ERCC8: variants seen among roughly 807,000 people sequenced by gnomAD.
ERCC8 encodes the protein DNA excision repair protein ERCC-8.
ERCC8 carries 52 observed loss-of-function variants against 54.9 expected under a neutral mutation model. That is an observed-to-expected ratio of 0.95 (90% CI 0.76 to 1.19). The LOEUF is 1.19. Ranked by LOEUF, ERCC8 falls within the 50% of genes most tolerant of loss-of-function variation. The pLI, the probability that ERCC8 is intolerant of heterozygous loss-of-function variation, is 0.00. For synonymous variants in ERCC8, 146 were observed against 157.2 expected, an observed-to-expected ratio of 0.93 and a Z score of 0.53; for missense variants, 514 against 466.1, an observed-to-expected ratio of 1.10 and a Z score of -0.95.
chr5:60,887,138 T>C (rs577933591), intron 11 of ERCC8, among the ~76,000 whole-genome samples: 142 of 152,346 alleles, frequency 9.3e-4, no homozygotes, highest in Non-Finnish European at 1.6e-3. Flanking sequence ...AATTTTATGT[T>C]CTTCTTTTGA....
At chr5:60,902,563 A>G (rs1561503162) in intron 6 of ERCC8, 55 bp from the exon 7 acceptor site, 5 of 1,461,676 alleles carry the variant, frequency 3.4e-6, no homozygotes, top group Non-Finnish European at 4.8e-6. Context: ...ATCAGAAGAT[A>G]AAGTGCCAAT....
At chr5:60,918,057 C>T (rs1749489123) in intron 4 of ERCC8, 1 of 544,118 alleles carries the variant, frequency 1.8e-6, no homozygotes, top group Non-Finnish European at 3.3e-6. Context: ...GAGAAAGACA[C>T]ACAGAGGTTT....
rs1175770815 is a variant in ERCC8 at position 60,893,317 on chromosome 5, GC to G, written c.844-2232del. 53 of 883,552 alleles carry G rather than the reference GC, an allele frequency of 6.0e-5. No homozygotes were observed. In the East Asian group the frequency reaches 1.2e-3, roughly 21 times the overall value. 54.7% of individuals were successfully genotyped at this position (883,552 alleles called of 1,614,324 possible). A position where few individuals can be genotyped will look rare whatever the true frequency, so the allele number is the denominator to read the frequency against. The stretch of plus-strand genomic sequence containing the variant: ...CTTCCTTACACTGAAACTCCTCCTG[GC>G]GTCTTAGGATATCCTCACAGTAGCT... On this transcript the variant is annotated intron_variant, in intron 9 of 11. Coordinates refer to ENST00000676185, the MANE Select transcript of ERCC8 (RefSeq NM_000082.4).
chr5:60,913,614 T>C (rs1001074524), intron 4 of ERCC8, among the ~76,000 whole-genome samples: 3 of 152,248 alleles, frequency 2.0e-5, no homozygotes, highest in Admixed American at 2.0e-4. Context: ...CTGATCTTAG[T>C]TATTTCTTGG....
At chr5:60,876,232 G>C (rs1439500987) in intron 11 of ERCC8, among the ~76,000 whole-genome samples, 1 of 152,194 alleles carries the variant, frequency 6.6e-6, no homozygotes, top group Non-Finnish European at 1.5e-5. Flanking sequence ...TGGCTGCATA[G>C]TATTCCATGG....
intron 6 of ERCC8, 58 bp from the exon 7 acceptor site, chr5:60,902,566 G>A (rs543955758): frequency 6.2e-6 from 9 of 1,453,828 alleles, no homozygotes; most frequent in South Asian, 3.4e-5. Flanking sequence ...AGAAGATAAA[G>A]TGCCAATAAT....
rs968390300 is a variant in ERCC8 at position 60,866,994 on chromosome 5, G to C, written c.*7621C>G. On this transcript the variant is annotated 3_prime_UTR_variant, in exon 12 of 12. Transcript: ENST00000676185. ...CAAATAGCTGGGACTACAAGTGCCCGCCTAATTTTTTTTTTGTATTTTTAG... is the reference window on the plus strand; with the variant it reads ...CAAATAGCTGGGACTACAAGTGCCCCCCTAATTTTTTTTTTGTATTTTTAG... The C allele has an allele frequency of 6.6e-6, 1 of 151,700 alleles. No homozygotes were observed. The highest frequency in any genetic ancestry group is 2.4e-5 in the African/African-American group (1 of 41,288). The allele number at this position is 151,700 out of a possible 1,614,324, so 9.4% of individuals were successfully genotyped here.
Position 60,922,069 on chromosome 5 carries a change from A to G in ERCC8, c.260T>C (p.Val87Ala). Residue 87 changes from valine (V) to alanine (A), a missense_variant, in exon 3 of 12, where the codon GTG becomes GCG. Coordinates refer to ENST00000676185, the MANE Select transcript of ERCC8 (RefSeq NM_000082.4). ...SRQSYYTCKA[V>A]CSIGRDHPDV... ...AAATACATACCTGCCAATGGAACAC[A>G]CTGCTTTACATGTGTAATAAGATTG... 1 of 1,607,560 alleles carries G rather than the reference A, an allele frequency of 6.2e-7. No homozygotes were observed. The highest frequency in any genetic ancestry group is 8.5e-7 in the Non-Finnish European group (1 of 1,175,186).
At chr5:60,898,242 T>G (rs1385718463) in intron 9 of ERCC8, 34 bp downstream of exon 9, 1 of 1,603,608 alleles carries the variant, frequency 6.2e-7, no homozygotes, top group Non-Finnish European at 8.5e-7. Context: ...CATTTCTTAA[T>G]TTATACCCAA....
chr5:60,877,980 C>T (rs1748068769), intron 11 of ERCC8, among the ~76,000 whole-genome samples: 1 of 152,128 alleles, frequency 6.6e-6, no homozygotes, highest in Admixed American at 6.5e-5. Flanking sequence ...CCAGTTTTTG[C>T]CCATTCAGTA....
At chr5:60,915,984 C>A (rs1324240207) in intron 4 of ERCC8, among the ~76,000 whole-genome samples, 1 of 151,934 alleles carries the variant, frequency 6.6e-6, no homozygotes, top group Non-Finnish European at 1.5e-5. Context: ...GCCCTAAGAG[C>A]CTGGGTGTTT....
chr5:60,897,964 C>T (rs1561501410), intron 9 of ERCC8, among the ~76,000 whole-genome samples: 3 of 152,102 alleles, frequency 2.0e-5, no homozygotes, highest in African/African-American at 4.8e-5. Flanking sequence ...AATTTGATTA[C>T]TTAGCTTCAT....
At chr5:60,886,972 A>T (rs1301220388) in intron 11 of ERCC8, among the ~76,000 whole-genome samples, 2 of 152,136 alleles carry the variant, frequency 1.3e-5, no homozygotes, top group Non-Finnish European at 2.9e-5. Context: ...GTTATTAATG[A>T]CATGAAAAAA....
chr5:60,895,946 AATCC>A (rs1748710950), intron 9 of ERCC8, among the ~76,000 whole-genome samples: 2 of 152,312 alleles, frequency 1.3e-5, no homozygotes, highest in South Asian at 4.1e-4. Context: ...TTCTTCCTCC[AATCC>A]ATCCTACAAC....
chr5:60,904,668 AT>A (rs1749014090), intron 5 of ERCC8, 123 bp downstream of exon 5: 3 of 160,408 alleles, frequency 1.9e-5, no homozygotes, highest in Admixed American at 7.7e-5. Flanking sequence ...ATATATATAT[AT>A]ATATATATAT....
At chr5:60,944,725 G>T (rs1428368381) in intron 1 of ERCC8, among the ~76,000 whole-genome samples, 1 of 35,986 alleles carries the variant, frequency 2.8e-5, no homozygotes, top group African/African-American at 1.0e-4. Flanking sequence ...CACCCCCGGG[G>T]AACCCCCCCC....
intron 9 of ERCC8, among the ~76,000 whole-genome samples, chr5:60,897,585 T>A (rs1381862580): frequency 6.6e-6 from 1 of 152,194 alleles, no homozygotes. Flanking sequence ...GATAAGACTA[T>A]AACCTACATA....
At chr5:60,911,295 G>C (rs1055305862) in intron 4 of ERCC8, among the ~76,000 whole-genome samples, 2 of 151,740 alleles carry the variant, frequency 1.3e-5, no homozygotes, top group African/African-American at 2.4e-5. Context: ...CATCCTAACT[G>C]GTGTGAGATG....
At chr5:60,885,202 T>A (rs1748361233) in intron 11 of ERCC8, among the ~76,000 whole-genome samples, 1 of 151,920 alleles carries the variant, frequency 6.6e-6, no homozygotes, top group African/African-American at 2.4e-5. Flanking sequence ...TTTGTAGAGA[T>A]GGGGTCTTTC....
Sources: gnomAD v4.1 joint callset for allele counts (sites outside exome capture counted in the v4.1 genomes callset) on GRCh38, gnomAD v4.1.1 for gene constraint, MANE v1.5 for transcripts, NCBI Gene and HGNC (gene_info 2026-07-23, HGNC 2026-07-21) for gene names.